The following NAALADL2 variants were observed in gnomAD, a reference collection of about 807,000 sequenced individuals.
The protein encoded by NAALADL2 is inactive N-acetylated-alpha-linked acidic dipeptidase-like protein 2.
A neutral mutation model predicts 87.2 loss-of-function variants in NAALADL2; 76 were observed. That is an observed-to-expected ratio of 0.87 (90% CI 0.72 to 1.05). NAALADL2 has a LOEUF of 1.05. Among genes scored for constraint, NAALADL2 ranks in the 50% least tolerant of loss-of-function variants. The probability of loss-of-function intolerance (pLI) is 0.00; values close to 1 mark genes in which losing one functional copy is unlikely to be tolerated. For synonymous variants in NAALADL2, 354 were observed against 331.0 expected (o/e 1.07, Z -0.75); for missense variants, 1,089 against 945.8 (o/e 1.15, Z -1.99).
intron 1 of NAALADL2, among the ~76,000 whole-genome samples, chr3:175,031,267 C>A (rs1752764845): frequency 6.6e-6 from 1 of 151,894 alleles, no homozygotes; most frequent in African/African-American, 2.4e-5. Flanking sequence ...ATTTTTCAAC[C>A]CTTGCCTCCC....
At chr3:175,672,811 C>T (rs1734184445) in intron 11 of NAALADL2, among the ~76,000 whole-genome samples, 1 of 152,076 alleles carries the variant, frequency 6.6e-6, no homozygotes, top group Non-Finnish European at 1.5e-5. Flanking sequence ...TTTTGTAAAT[C>T]TGATAATCTT....
chr3:175,053,800 C>G (rs534104920), intron 1 of NAALADL2, among the ~76,000 whole-genome samples: 19 of 152,328 alleles, frequency 1.2e-4, no homozygotes, highest in African/African-American at 4.6e-4. Context: ...TGGATAATAG[C>G]TTAACTTCTT....
At chr3:175,233,204 T>G (rs912234746) in intron 2 of NAALADL2, among the ~76,000 whole-genome samples, 6 of 152,212 alleles carry the variant, frequency 3.9e-5, no homozygotes, top group Non-Finnish European at 8.8e-5. Flanking sequence ...CTCTCTGTAT[T>G]ATTTTAAATA....
chr3:175,497,994 G>C (rs1350389374), intron 9 of NAALADL2, among the ~76,000 whole-genome samples: 3 of 151,974 alleles, frequency 2.0e-5, no homozygotes, highest in African/African-American at 7.2e-5. Flanking sequence ...GAAAGAAATT[G>C]CAATAATTGA....
intron 13 of NAALADL2, chr3:175,776,218 C>T (rs1311412127): frequency 6.6e-6 from 1 of 151,944 alleles, no homozygotes; most frequent in Non-Finnish European, 1.5e-5. Context: ...ATCAGACATT[C>T]TCCCCTCAAC....
intron 2 of NAALADL2, among the ~76,000 whole-genome samples, chr3:174,659,874 A>C (rs181515653): frequency 5.1e-4 from 78 of 151,976 alleles, no homozygotes; most frequent in African/African-American, 1.9e-3. Flanking sequence ...CTGCAGTTAG[A>C]CCCCGGTGCA....
chr3:174,811,783 T>C (rs989519050), intron 3 of NAALADL2, among the ~76,000 whole-genome samples: 3 of 152,152 alleles, frequency 2.0e-5, no homozygotes, highest in African/African-American at 7.2e-5. Context: ...GGTTTGGAAT[T>C]GTGTCCCCAC....
intron 5 of NAALADL2, among the ~76,000 whole-genome samples, chr3:175,389,617 A>C (rs925524441): frequency 6.6e-6 from 1 of 152,214 alleles, no homozygotes; most frequent in African/African-American, 2.4e-5. Flanking sequence ...CGTAAACAAG[A>C]TAACTGTGAA....
chr3:175,698,407 TTATGTATGTATACATATG>T (rs199712222), intron 11 of NAALADL2, among the ~76,000 whole-genome samples: 1,106 of 57,220 alleles, frequency 0.019, 306 homozygotes, highest in African/African-American at 0.088. Flanking sequence ...GTATGTGTAT[TTATGTATGTATACATATG>T]TATGTGTATA....
chr3:175,035,385 A>C (rs1753289238), intron 1 of NAALADL2, among the ~76,000 whole-genome samples: 1 of 152,194 alleles, frequency 6.6e-6, no homozygotes, highest in African/African-American at 2.4e-5. Flanking sequence ...AATCCACATT[A>C]GTCAGCAGGT....
At chr3:175,802,743 T>A (rs942279537) in intron 13 of NAALADL2, among the ~76,000 whole-genome samples, 6 of 152,062 alleles carry the variant, frequency 3.9e-5, no homozygotes, top group African/African-American at 1.4e-4. Flanking sequence ...AACTGCTTTT[T>A]TTTGTTTCGT....
At chr3:175,636,029 G>A (rs1303409370) in intron 11 of NAALADL2, among the ~76,000 whole-genome samples, 3 of 152,108 alleles carry the variant, frequency 2.0e-5, no homozygotes, top group Non-Finnish European at 2.9e-5. Flanking sequence ...ATATTAAAGA[G>A]TCCTGGAGAG....
At chr3:174,683,417 C>T (rs1353410826) in intron 2 of NAALADL2, among the ~76,000 whole-genome samples, 10 of 152,108 alleles carry the variant, frequency 6.6e-5, no homozygotes, top group African/African-American at 2.4e-4. Flanking sequence ...TTAAACATAA[C>T]CACTTTTTTG....
chr3:174,596,690 C>T (rs1291285612), intron 2 of NAALADL2, among the ~76,000 whole-genome samples: 1 of 152,214 alleles, frequency 6.6e-6, no homozygotes, highest in African/African-American at 2.4e-5. Flanking sequence ...TTTAACTCTT[C>T]TTGCTAAGTA....
chr3:175,161,583 T>C (rs1733221513), intron 2 of NAALADL2, among the ~76,000 whole-genome samples: 2 of 152,106 alleles, frequency 1.3e-5, no homozygotes, highest in Admixed American at 6.6e-5. Context: ...GTAGTAGATA[T>C]AGAGTCTGTT....
chr3:174,955,699 C>A (rs542463695), intron 1 of NAALADL2, among the ~76,000 whole-genome samples: 24 of 151,936 alleles, frequency 1.6e-4, no homozygotes, highest in Non-Finnish European at 2.9e-4. Flanking sequence ...AGCAGATTGC[C>A]CCCATAGGTA....
chr3:175,747,573 T>A (rs1384339089), intron 12 of NAALADL2, among the ~76,000 whole-genome samples: 1 of 152,188 alleles, frequency 6.6e-6, no homozygotes, highest in Non-Finnish European at 1.5e-5. Context: ...TAAAAATACT[T>A]TTAATCTTGG....
At chr3:175,281,552 C>T (rs1451681254) in intron 4 of NAALADL2, among the ~76,000 whole-genome samples, 2 of 151,906 alleles carry the variant, frequency 1.3e-5, no homozygotes, top group Non-Finnish European at 2.9e-5. Context: ...TATACATGCT[C>T]AAACTCTTTT....
At chr3:175,038,361 C>A (rs9831769) in intron 1 of NAALADL2, among the ~76,000 whole-genome samples, 50,674 of 151,892 alleles carry the variant, frequency 0.33, 8,824 homozygotes, top group Middle Eastern at 0.45. Context: ...GACACTTTCA[C>A]TAAGACTCAC....
Sources: gnomAD v4.1 joint callset for allele counts (sites outside exome capture counted in the v4.1 genomes callset) on GRCh38, gnomAD v4.1.1 for gene constraint, MANE v1.5 for transcripts, NCBI Gene and HGNC (gene_info 2026-07-23, HGNC 2026-07-21) for gene names.